DNAH3: variants seen among roughly 807,000 people sequenced by gnomAD.
DNAH3 encodes the protein axonemal beta dynein heavy chain 3.
DNAH3 carries 332 observed loss-of-function variants against 432.5 expected under a neutral mutation model. The observed-to-expected ratio is 0.77, with a 90% CI of 0.70 to 0.84. The LOEUF (loss-of-function observed/expected upper bound fraction) is 0.84. Ranked by LOEUF, DNAH3 falls within the 40% of genes least tolerant of loss-of-function variation. The pLI, the probability that DNAH3 is intolerant of heterozygous loss-of-function variation, is 0.00. For synonymous variants in DNAH3, 1,956 were observed against 1,900.2 expected, an observed-to-expected ratio of 1.03 and a Z score of -0.76; for missense variants, 4,861 against 5,114.0, an observed-to-expected ratio of 0.95 and a Z score of 1.51.
chr16:21,149,583 A>ATAT (rs1247305886), intron 1 of DNAH3, among the ~76,000 whole-genome samples: 1 of 152,202 alleles, frequency 6.6e-6, no homozygotes, highest in Non-Finnish European at 1.5e-5. Flanking sequence ...TTAGATAAAA[A>ATAT]TATAGATTCC....
At chr16:21,030,403 G>A (rs1379745422) in intron 37 of DNAH3, among the ~76,000 whole-genome samples, 1 of 152,112 alleles carries the variant, frequency 6.6e-6, no homozygotes, top group African/African-American at 2.4e-5. Flanking sequence ...TTTTTAGAGA[G>A]AAAGAAAAAG....
chr16:21,094,641 G>C (rs1404891407), intron 18 of DNAH3, among the ~76,000 whole-genome samples: 1 of 151,974 alleles, frequency 6.6e-6, no homozygotes, highest in Non-Finnish European at 1.5e-5. Context: ...ACTGTACAAA[G>C]TATGACAAAG....
chr16:21,067,769 T>G (rs75709054), intron 23 of DNAH3, among the ~76,000 whole-genome samples: 6,515 of 20,788 alleles, frequency 0.31, 6 homozygotes, highest in African/African-American at 0.34. Flanking sequence ...GGGGGGGGGG[T>G]GGGGAGGGAG....
At chr16:21,131,263 C>T (rs2092551078) in intron 7 of DNAH3, among the ~76,000 whole-genome samples, 1 of 151,830 alleles carries the variant, frequency 6.6e-6, no homozygotes, top group Non-Finnish European at 1.5e-5. Context: ...GAGTTTGAGG[C>T]TGCAGTGAAC....
At chr16:21,146,293 C>G (rs753036667) in intron 1 of DNAH3, among the ~76,000 whole-genome samples, 2 of 152,120 alleles carry the variant, frequency 1.3e-5, no homozygotes, top group African/African-American at 2.4e-5. Context: ...CGGTAGCTCA[C>G]CCCGGTAATC....
chr16:21,148,468 C>T (rs75097428), intron 1 of DNAH3, among the ~76,000 whole-genome samples: 5,467 of 149,284 alleles, frequency 0.037, 176 homozygotes, highest in East Asian at 0.18. Context: ...TCCAAGTTTT[C>T]GCTCTGTCGC....
rs201435283 is a variant in DNAH3 at position 20,985,449 on chromosome 16, G to A, written c.7293C>T (p.Leu2431=). The A allele has an allele frequency of 8.1e-6, 13 of 1,614,204 alleles. No individual in the cohort carries two copies. The Admixed American group carries it at 1.3e-4, about 17-fold the overall frequency. The change falls in exon 48 of 62, where the codon CTC becomes CTT. Residue 2431 remains leucine (L), a synonymous_variant. Transcript: ENST00000261383. The stretch of plus-strand genomic sequence containing the variant: ...GCCCGCTGCCCCCTATGCCCACCAG[G>A]AGCAGGTGGCCTTTGTCCTGCTTCA...
At chr16:20,936,681 C>T (rs775346886) in exon 60 of DNAH3, 2 of 1,603,380 alleles carry the variant, frequency 1.2e-6, no homozygotes, top group South Asian at 2.2e-5. Flanking sequence ...AGCAGGTCAG[C>T]CACGTAGCCC....
At chr16:21,042,055 C>T in exon 32 of DNAH3, 1 of 1,613,846 alleles carries the variant, frequency 6.2e-7, no homozygotes, top group Non-Finnish European at 8.5e-7. Flanking sequence ...TTCAGCCCTG[C>T]CAGCATACCC....
chr16:20,939,287 C>G (rs1781390102), intron 59 of DNAH3, among the ~76,000 whole-genome samples: 1 of 152,166 alleles, frequency 6.6e-6, no homozygotes, highest in South Asian at 2.1e-4. Flanking sequence ...TTGCTTGGTC[C>G]CTGCTACGGC....
At chr16:21,153,659 C>T (rs1428491035) in intron 1 of DNAH3, among the ~76,000 whole-genome samples, 2 of 152,188 alleles carry the variant, frequency 1.3e-5, no homozygotes, top group African/African-American at 2.4e-5. Flanking sequence ...AGCTTCACTC[C>T]TGCGCCAGCG....
chr16:21,156,892 C>A (rs2092901106), intron 1 of DNAH3, among the ~76,000 whole-genome samples: 2 of 151,036 alleles, frequency 1.3e-5, no homozygotes, highest in Non-Finnish European at 2.9e-5. Flanking sequence ...CAGAGACGCC[C>A]CTAGATGGCA....
At chr16:21,088,392 G>A (rs2091442717) in intron 18 of DNAH3, among the ~76,000 whole-genome samples, 1 of 152,168 alleles carries the variant, frequency 6.6e-6, no homozygotes, top group African/African-American at 2.4e-5. Flanking sequence ...AGTTGTAAGA[G>A]TGAAGCACAA....
chr16:20,944,351 G>A, intron 58 of DNAH3, 145 bp downstream of exon 58: 1 of 878,226 alleles, frequency 1.1e-6, no homozygotes, highest in Non-Finnish European at 1.8e-6. Context: ...CGGCAGTAAG[G>A]CCACAGTGCT....
At chr16:20,962,791 G>A (rs1279795149) in intron 53 of DNAH3, among the ~76,000 whole-genome samples, 3 of 152,098 alleles carry the variant, frequency 2.0e-5, no homozygotes, top group Non-Finnish European at 4.4e-5. Context: ...CCAAGTAGCT[G>A]GGACTACAGG....
exon 54 of DNAH3, chr16:20,959,254 G>A: frequency 6.2e-7 from 1 of 1,614,162 alleles, no homozygotes; most frequent in African/African-American, 1.3e-5. Flanking sequence ...CCAGCTTGCG[G>A]CCAGGTGGCA....
chr16:20,953,605 C>T (rs1223327864), intron 55 of DNAH3, among the ~76,000 whole-genome samples: 4 of 151,458 alleles, frequency 2.6e-5, no homozygotes, highest in Admixed American at 2.0e-4. Context: ...GAGACTGGAT[C>T]TCGTTCTTTT....
intron 7 of DNAH3, among the ~76,000 whole-genome samples, chr16:21,131,648 G>A (rs1053228199): frequency 5.3e-5 from 8 of 151,752 alleles, no homozygotes; most frequent in African/African-American, 1.9e-4. Context: ...TCGGGAGTTC[G>A]AGACCAGCCT....
At chr16:21,158,059 AG>A (rs2092911648) in intron 1 of DNAH3, among the ~76,000 whole-genome samples, 1 of 152,240 alleles carries the variant, frequency 6.6e-6, no homozygotes, top group Non-Finnish European at 1.5e-5. Context: ...TCTATAGGGC[AG>A]ATTTGGGGCC....
Sources: allele counts gnomAD v4.1 joint callset (sites outside exome capture counted in the v4.1 genomes callset), GRCh38; gene constraint gnomAD v4.1.1; transcripts MANE v1.5; gene names NCBI Gene and HGNC (gene_info 2026-07-23, HGNC 2026-07-21).